ADGRV1: variants seen among roughly 807,000 people sequenced by gnomAD.
The protein encoded by ADGRV1 is G-protein coupled receptor 98.
A neutral mutation model predicts 596.2 loss-of-function variants in ADGRV1; 359 were observed. That is an observed-to-expected ratio of 0.60 (90% CI 0.55 to 0.66). The LOEUF (loss-of-function observed/expected upper bound fraction) is 0.66, where lower values mean the gene tolerates loss of function less well. Ranked by LOEUF, ADGRV1 falls within the 30% of genes least tolerant of loss-of-function variation. ADGRV1 has a pLI of 0.00. For missense variants in ADGRV1, 7,274 were observed against 7,575.6 expected (o/e 0.96, Z 1.48); for synonymous variants, 2,681 against 2,679.2 (o/e 1.00, Z -0.02).
intron 82 of ADGRV1, among the ~76,000 whole-genome samples, chr5:90,861,304 ATT>A (rs549384273): frequency 1.4e-5 from 2 of 146,414 alleles, no homozygotes; most frequent in African/African-American, 5.0e-5. Context: ...TTATTTATCT[ATT>A]TTTTTTTTGT....
At position 90,840,786 on chromosome 5, in the gene ADGRV1, G is replaced by A. The variant is rs1479742561; in HGVS notation, c.16820G>A (p.Arg5607Lys). ...IVLFDPKGGA[R>K]IDKVYGTANI... ...CTTTTTGACCCAAAAGGTGGTGCCA[G>A]AATTGATAAAGTGTATGGGACTGCC... The change falls in exon 78 of 90, where the codon AGA (arginine) becomes AAA (lysine). Residue 5607 changes from arginine (R) to lysine (K), a missense_variant. Physicochemically the swap from Arg to Lys is conservative, Grantham distance 26 (BLOSUM62 2). Around this residue, in one of 5 missense-constraint regions of ADGRV1, gnomAD observed 1,874 missense variants for 1,970.2 expected, o/e 0.95. Transcript: ENST00000405460. The A allele has an allele frequency of 1.2e-6, 2 of 1,613,970 alleles. No individual in the cohort carries two copies. The highest frequency in any genetic ancestry group is 1.7e-6 in the Non-Finnish European group (2 of 1,179,882).
At position 90,729,638 on chromosome 5, in the gene ADGRV1, G is replaced by T. The variant is rs765179697; in HGVS notation, c.10427-4G>T. 7.2e-5 allele frequency: 115 copies of T among 1,595,632 alleles called. No homozygotes were observed. The East Asian group carries it at 2.5e-3, about 35-fold the overall frequency. ...AAGATTTGACTTCTATTTCATTATT[G>T]CAGGAGATCAGAATTCAATTGATAT... On this transcript the variant is annotated splice_region_variant and splice_polypyrimidine_tract_variant and intron_variant, in intron 49 of 89. Transcript: ENST00000405460.
At position 90,863,865 on chromosome 5, in the gene ADGRV1, A is replaced by G; in HGVS notation, c.17856+8A>G. 1 of 1,564,206 alleles carries G rather than the reference A, an allele frequency of 6.4e-7. No individual in the cohort carries two copies. Among genetic ancestry groups the G allele is most frequent in the East Asian group, 2.2e-5 (1 of 44,646 alleles). The stretch of plus-strand genomic sequence containing the variant: ...GCCAGCTTAGGTACACAGGTAGGAG[A>G]GCGCTGGCATTTTTGATTTATCGTG... On this transcript the variant is annotated splice_region_variant and intron_variant, in intron 83 of 89. Transcript: ENST00000405460.
At chr5:90,936,729 C>G (rs1177288202) in intron 83 of ADGRV1, among the ~76,000 whole-genome samples, 2 of 152,012 alleles carry the variant, frequency 1.3e-5, no homozygotes, top group Admixed American at 6.5e-5. Context: ...GCATATAGTG[C>G]TTTTCACTGT....
intron 83 of ADGRV1, among the ~76,000 whole-genome samples, chr5:90,925,063 T>C (rs1013837331): frequency 2.6e-5 from 4 of 151,980 alleles, no homozygotes; most frequent in African/African-American, 9.7e-5. Context: ...AGTCAGGTAG[T>C]GTGATGCCTC....
intron 83 of ADGRV1, among the ~76,000 whole-genome samples, chr5:90,893,615 C>T (rs2150593148): frequency 6.6e-6 from 1 of 152,240 alleles, no homozygotes; most frequent in African/African-American, 2.4e-5. Flanking sequence ...TATGAGCTGA[C>T]TACACAATAG....
intron 42 of ADGRV1, among the ~76,000 whole-genome samples, chr5:90,712,790 A>C (rs1749549267): frequency 6.6e-6 from 1 of 152,046 alleles, no homozygotes; most frequent in Admixed American, 6.5e-5. Context: ...ACCTTTGTAG[A>C]ATTACTTTGT....
At chr5:90,580,593 TG>T (rs1225221643) in intron 1 of ADGRV1, among the ~76,000 whole-genome samples, 1 of 152,224 alleles carries the variant, frequency 6.6e-6, no homozygotes, top group Non-Finnish European at 1.5e-5. Flanking sequence ...TCTTTAAGAA[TG>T]TTGAATATTG....
intron 83 of ADGRV1, among the ~76,000 whole-genome samples, chr5:90,866,013 G>A (rs928872753): frequency 1.3e-5 from 2 of 152,128 alleles, no homozygotes; most frequent in Non-Finnish European, 2.9e-5. Flanking sequence ...TTGGCCTGTG[G>A]TTCTTTAGCT....
chr5:91,108,595 C>T (rs1288353236), intron 87 of ADGRV1, among the ~76,000 whole-genome samples: 3 of 151,074 alleles, frequency 2.0e-5, no homozygotes, highest in Non-Finnish European at 2.9e-5. Flanking sequence ...TCTTTCTCTA[C>T]AGTCTTTTTT....
intron 83 of ADGRV1, among the ~76,000 whole-genome samples, chr5:90,941,572 A>G (rs907179527): frequency 1.3e-5 from 2 of 152,182 alleles, no homozygotes; most frequent in African/African-American, 4.8e-5. Flanking sequence ...TCACTCTAGG[A>G]GTCACTGCCA....
intron 81 of ADGRV1, among the ~76,000 whole-genome samples, chr5:90,854,610 T>G (rs903491289): frequency 3.9e-5 from 6 of 152,194 alleles, no homozygotes; most frequent in Non-Finnish European, 5.9e-5. Context: ...ATAATTCTAG[T>G]CCACATGGCT....
chr5:90,720,866 A>G (rs1750826150), intron 44 of ADGRV1, 69 bp from the exon 45 acceptor site: 1 of 1,295,696 alleles, frequency 7.7e-7, no homozygotes. Context: ...TGCTAGCAAT[A>G]TGATATATAT....
chr5:91,006,498 T>C (rs1029923281), intron 85 of ADGRV1, among the ~76,000 whole-genome samples: 15 of 152,158 alleles, frequency 9.9e-5, no homozygotes, highest in Non-Finnish European at 2.2e-4. Context: ...ACAAAATTTT[T>C]GTATACTTTT....
At chr5:90,687,526 A>T (rs1424012091) in intron 29 of ADGRV1, among the ~76,000 whole-genome samples, 1 of 152,178 alleles carries the variant, frequency 6.6e-6, no homozygotes, top group African/African-American at 2.4e-5. Context: ...CGTATTCAAC[A>T]TAGTGTTGGA....
intron 26 of ADGRV1, 150 bp downstream of exon 26, chr5:90,679,779 A>G (rs1744699764): frequency 1.8e-6 from 1 of 557,148 alleles, no homozygotes. Flanking sequence ...TTTATGAAGT[A>G]TGATTTCCTT....
rs1358524349 is a variant in ADGRV1 at position 90,783,841 on chromosome 5, A to G, written c.13437A>G (p.Glu4479=). ...ATTGCTCCTTCTTGCCATGCAGTGAATTTGAGGAGCCCATTGAAATTCTAC... is the reference window on the plus strand; with the variant it reads ...ATTGCTCCTTCTTGCCATGCAGTGAGTTTGAGGAGCCCATTGAAATTCTAC... ...NISIIDDNES[E]FEEPIEILLT... is the part of the protein sequence containing the mutation. Residue 4479 remains glutamate, a synonymous_variant, in exon 67 of 90, where the codon GAA becomes GAG. Coordinates refer to ENST00000405460, the MANE Select transcript of ADGRV1 (RefSeq NM_032119.4). 2.5e-6 allele frequency: 4 copies of G among 1,602,170 alleles called. No individual in the cohort carries two copies. In the African/African-American group the frequency reaches 5.4e-5, roughly 21 times the overall value.
intron 48 of ADGRV1, among the ~76,000 whole-genome samples, chr5:90,726,287 A>T (rs999000956): frequency 6.6e-6 from 1 of 152,136 alleles, no homozygotes; most frequent in African/African-American, 2.4e-5. Context: ...TGTCCTTATA[A>T]GGTTTAGCTA....
At chr5:90,810,153 A>G (rs918799592) in intron 73 of ADGRV1, 80 bp from the exon 74 acceptor site, 11 of 1,160,742 alleles carry the variant, frequency 9.5e-6, no homozygotes, top group African/African-American at 1.6e-5. Flanking sequence ...AGCATTTTAA[A>G]TATGTGAATG....
Sources: gnomAD v4.1 joint callset for allele counts (sites outside exome capture counted in the v4.1 genomes callset) on GRCh38, gnomAD v4.1.1 for gene constraint, gnomAD v4.1.1 regional missense constraint, MANE v1.5 for transcripts, NCBI Gene and HGNC (gene_info 2026-07-23, HGNC 2026-07-21) for gene names.